LRP1: variants seen among roughly 807,000 people sequenced by gnomAD.
LRP1 encodes the protein prolow-density lipoprotein receptor-related protein 1.
Under a neutral mutation model 541.5 loss-of-function variants are expected in LRP1, and 51 were observed. The observed-to-expected ratio is 0.09, with a 90% CI of 0.08 to 0.12. The LOEUF (loss-of-function observed/expected upper bound fraction) is 0.12. Ranked by LOEUF, LRP1 falls within the 10% of genes least tolerant of loss-of-function variation. The probability of loss-of-function intolerance (pLI) is 1.00; values close to 1 mark genes in which losing one functional copy is unlikely to be tolerated. For missense variants in LRP1, 3,878 were observed against 6,376.2 expected, an observed-to-expected ratio of 0.61 and a Z score of 13.34; for synonymous variants, 2,219 against 2,470.8, an observed-to-expected ratio of 0.90 and a Z score of 3.02.
intron 20 of LRP1, among the ~76,000 whole-genome samples, chr12:57,172,551 G>T (rs1232299753): frequency 6.6e-6 from 1 of 152,134 alleles, no homozygotes; most frequent in African/African-American, 2.4e-5. Flanking sequence ...CCTGGAGTGT[G>T]CCTCCAGGGA....
Position 57,162,259 on chromosome 12 carries a change from C to T in LRP1, c.2203-58C>T, listed in dbSNP as rs1184133186. ...ACAAATGAATGTACAAAACAGTGAT[C>T]TCACAGGCCTCCCTCAATTTTCTTC... On this transcript the variant is annotated intron_variant, in intron 13 of 88. Coordinates refer to ENST00000243077, the MANE Select transcript of LRP1 (RefSeq NM_002332.3). The surrounding 1 kb of genome is among the most constrained non-coding windows in gnomAD (Gnocchi z 5.2). 1.4e-6 allele frequency: 2 copies of T among 1,408,404 alleles called. No individual in the cohort carries two copies. Among genetic ancestry groups the T allele is most frequent in the Non-Finnish European group, 2.0e-6 (2 of 994,770 alleles). The allele number at this position is 1,408,404 out of a possible 1,614,324, so 87.2% of individuals were successfully genotyped here. A position where few individuals can be genotyped will look rare whatever the true frequency, so the allele number is the denominator to read the frequency against.
intron 62 of LRP1, 120 bp downstream of exon 62, chr12:57,200,145 C>T: frequency 3.6e-6 from 3 of 844,784 alleles, no homozygotes; most frequent in Non-Finnish European, 5.5e-6. Context: ...CACACTAACA[C>T]CCCCACATTT....
rs747341243 is a variant in LRP1 at position 57,201,646 on chromosome 12, T to G, written c.10468+27T>G. 6.2e-7 allele frequency: 1 copy of G among 1,605,496 alleles called. No individual in the cohort carries two copies. The highest frequency in any genetic ancestry group is 2.2e-5 in the East Asian group (1 of 44,698). On this transcript the variant is annotated intron_variant, in intron 66 of 88. Transcript: ENST00000243077. The surrounding 1 kb of genome is among the most constrained non-coding windows in gnomAD (Gnocchi z 6.4). Reference sequence around the variant, plus strand: ...TGAGTTGCCTGGCCTGGAGCCCAGCTTCCCTCCCCAGTGTCTGCTGCTCAC... The same window carrying G: ...TGAGTTGCCTGGCCTGGAGCCCAGCGTCCCTCCCCAGTGTCTGCTGCTCAC...
chr12:57,160,424 G>A (rs530183064), intron 12 of LRP1, among the ~76,000 whole-genome samples: 1 of 152,244 alleles, frequency 6.6e-6, no homozygotes, highest in East Asian at 1.9e-4. Flanking sequence ...TGCTCTTGGA[G>A]TTCCTCAGCC....
Position 57,145,365 on chromosome 12 carries a change from A to G in LRP1, c.716A>G (p.Asn239Ser), listed in dbSNP as rs772978789. 55 of 1,614,030 alleles carry G rather than the reference A, an allele frequency of 3.4e-5. No individual in the cohort carries two copies. The highest frequency in any genetic ancestry group is 4.2e-5 in the Non-Finnish European group (50 of 1,180,040). ...ACAGCCATGGACTTCAGCTATGCCA[A>G]CGAGACCGTATGCTGGGTGCATGTT... ...QTTAMDFSYA[N>S]ETVCWVHVGD... Residue 239 changes from asparagine (N) to serine (S), a missense_variant, in exon 6 of 89, where the codon AAC (asparagine) becomes AGC (serine). By Grantham distance (46) the Asn-to-Ser change is conservative. Coordinates refer to ENST00000243077, the MANE Select transcript of LRP1 (RefSeq NM_002332.3).
chr12:57,210,014 C>G lies in LRP1; in HGVS notation c.12440-15C>G. ...GTCCTGCTCAGCATCCTCCCCACCC[C>G]ACCCATACCTGCAGTGACCAACCCA... On this transcript the variant is annotated splice_polypyrimidine_tract_variant and intron_variant, in intron 80 of 88. Transcript: ENST00000243077. 2 of 1,595,122 alleles carry G rather than the reference C, an allele frequency of 1.3e-6. No individual in the cohort carries two copies. The highest frequency in any genetic ancestry group is 1.7e-6 in the Non-Finnish European group (2 of 1,169,104).
chr12:57,183,230 G>A lies in LRP1; in HGVS notation c.5663-149G>A. The A allele has an allele frequency of 1.1e-6, 1 of 909,210 alleles. No homozygotes were observed. 56.3% of individuals were successfully genotyped at this position (909,210 alleles called of 1,614,324 possible). On this transcript the variant is annotated intron_variant, in intron 34 of 88. Transcript: ENST00000243077. The surrounding 1 kb of genome is among the most constrained non-coding windows in gnomAD (Gnocchi z 6.1). ...CCTCCCGGCCCATGCTCTGGCCTCAGGCTAGGGTGTGTGTGCTGGGTGGAG... is the reference window on the plus strand; with the variant it reads ...CCTCCCGGCCCATGCTCTGGCCTCAAGCTAGGGTGTGTGTGCTGGGTGGAG...
At chr12:57,172,056 T>C (rs1592629388) in intron 20 of LRP1, among the ~76,000 whole-genome samples, 1 of 133,252 alleles carries the variant, frequency 7.5e-6, no homozygotes, top group Admixed American at 7.7e-5. Flanking sequence ...TGGCGTTTTC[T>C]TTTTTCTTTT....
intron 55 of LRP1, 111 bp downstream of exon 55, chr12:57,196,388 A>G: frequency 1.8e-6 from 2 of 1,099,756 alleles, no homozygotes; most frequent in Non-Finnish European, 2.6e-6. Context: ...ACAGCAGTGA[A>G]TGAGACAGAA....
At chr12:57,186,078 G>A (rs1324904679) in intron 41 of LRP1, among the ~76,000 whole-genome samples, 170 bp downstream of exon 41, 1 of 152,032 alleles carries the variant, frequency 6.6e-6, no homozygotes, top group Non-Finnish European at 1.5e-5. Flanking sequence ...TGGAGTCAGC[G>A]TCAGCCCCCG....
At position 57,211,018 on chromosome 12, in the gene LRP1, C is replaced by G; in HGVS notation, c.12916+139C>G. On this transcript the variant is annotated intron_variant, in intron 83 of 88. Coordinates refer to ENST00000243077, the MANE Select transcript of LRP1 (RefSeq NM_002332.3). The surrounding 1 kb of genome is among the most constrained non-coding windows in gnomAD (Gnocchi z 4.3). ...AGGCCTTATGCAGCTGAGCCAGGCC[C>G]AAGCTGCTGGCGCTTCCCCACAAAG... The G allele has an allele frequency of 7.2e-7, 1 of 1,397,236 alleles. No individual in the cohort carries two copies. Among genetic ancestry groups the G allele is most frequent in the Non-Finnish European group, 9.7e-7 (1 of 1,032,554 alleles). The allele number at this position is 1,397,236 out of a possible 1,614,324, so 86.6% of individuals were successfully genotyped here. A position where few individuals can be genotyped will look rare whatever the true frequency, so the allele number is the denominator to read the frequency against.
Position 57,211,332 on chromosome 12 carries a change from G to A in LRP1, c.13073G>A (p.Ser4358Asn). The A allele has an allele frequency of 6.2e-7, 1 of 1,614,066 alleles. No individual in the cohort carries two copies. Among genetic ancestry groups the A allele is most frequent in the Non-Finnish European group, 8.5e-7 (1 of 1,180,024 alleles). Residue 4358 changes from serine to asparagine, a missense_variant, in exon 84 of 89, where the codon AGT (serine) becomes AAT (asparagine). By Grantham distance (46) the Ser-to-Asn change is conservative. Coordinates refer to ENST00000243077, the MANE Select transcript of LRP1 (RefSeq NM_002332.3). The surrounding 1 kb of genome is among the most constrained non-coding windows in gnomAD (Gnocchi z 4.3). ...LEGACVVNKQ[S>N]GDVTCNCTDG... is the part of the protein sequence containing the mutation. ...GGGGCCTGTGTGGTCAACAAGCAGA[G>A]TGGGGATGTCACCTGCAAGTGAGTG...
Position 57,184,000 on chromosome 12 carries a change from G to A in LRP1, c.5930-85G>A, listed in dbSNP as rs1347402074. ...GGAGTTGGCGGGAGCAGGAAGAGGA[G>A]CTGTAGGGGTGCCTGGGAGCTTGGA... On this transcript the variant is annotated intron_variant, in intron 36 of 88. Transcript: ENST00000243077. This position sits in a 1 kb window ranked among gnomAD's most constrained non-coding sequence, Gnocchi z 6.1. The A allele has an allele frequency of 1.2e-6, 2 of 1,602,810 alleles. No homozygotes were observed. Among genetic ancestry groups the A allele is most frequent in the Non-Finnish European group, 1.7e-6 (2 of 1,173,298 alleles).
rs1268718298 is a variant in LRP1, at chr12:57,156,978, G to T, written c.1561+58G>T. The T allele has an allele frequency of 8.0e-6, 12 of 1,495,948 alleles. No individual in the cohort carries two copies. In the East Asian group the frequency reaches 2.8e-4, roughly 35 times the overall value. The allele number at this position is 1,495,948 out of a possible 1,614,324, so 92.7% of individuals were successfully genotyped here. ...GGGAGGCTGCGGGAGGGTTCCTCAG[G>T]TGTCCCCCACAGCCCGGCTGCCTCT... is the stretch of plus-strand genomic sequence containing the variant. On this transcript the variant is annotated intron_variant, in intron 10 of 88. Coordinates refer to ENST00000243077, the MANE Select transcript of LRP1 (RefSeq NM_002332.3). This position sits in a 1 kb window ranked among gnomAD's most constrained non-coding sequence, Gnocchi z 5.2.
intron 44 of LRP1, among the ~76,000 whole-genome samples, chr12:57,192,058 GCA>G (rs975997216): frequency 2.9e-5 from 2 of 69,522 alleles, no homozygotes; most frequent in African/African-American, 5.6e-5. Context: ...ACACCACACA[GCA>G]CACACACACA....
intron 6 of LRP1, among the ~76,000 whole-genome samples, chr12:57,147,990 T>C (rs1319353044): frequency 6.6e-6 from 1 of 152,028 alleles, no homozygotes; most frequent in Non-Finnish European, 1.5e-5. Context: ...GGCCCAGTGG[T>C]TTGGGGAGGT....
In LRP1 at chr12:57,173,837, C is replaced by T. The variant is rs775690898; in HGVS notation, c.3404C>T (p.Ser1135Leu). The change falls in exon 22 of 89, where the codon TCG (serine) becomes TTG (leucine). Residue 1135 changes from serine to leucine, a missense_variant. By Grantham distance (145) the Ser-to-Leu change is moderately radical (BLOSUM62 -2). Transcript: ENST00000243077. This position sits in a 1 kb window ranked among gnomAD's most constrained non-coding sequence, Gnocchi z 4.7. ...CDGDNDCEDN[S>L]DEENCESLAC... ...GGCGACAATGACTGTGAGGATAACT[C>T]GGACGAGGAGAACTGCGAGTCCCTG... 4 of 1,614,086 alleles carry T rather than the reference C, an allele frequency of 2.5e-6. No homozygotes were observed. The highest frequency in any genetic ancestry group is 2.2e-5 in the East Asian group (1 of 44,894).
intron 6 of LRP1, chr12:57,146,548 G>T (rs942848313): frequency 1.3e-5 from 2 of 152,184 alleles, no homozygotes; most frequent in African/African-American, 2.4e-5. Flanking sequence ...ATCCCAGGAG[G>T]TTACAAGGGA....
chr12:57,186,098 C>T (rs1015066936), intron 41 of LRP1, among the ~76,000 whole-genome samples, 190 bp downstream of exon 41: 4 of 152,166 alleles, frequency 2.6e-5, no homozygotes, highest in Non-Finnish European at 4.4e-5. Context: ...GACTTCCTCC[C>T]GCCACTGGTC....
Sources: gnomAD v4.1 joint callset for allele counts (sites outside exome capture counted in the v4.1 genomes callset) on GRCh38, gnomAD v4.1.1 for gene constraint, Gnocchi (gnomAD v3.1) non-coding constraint, MANE v1.5 for transcripts, NCBI Gene and HGNC (gene_info 2026-07-23, HGNC 2026-07-21) for gene names.